HDAC9: variants seen among roughly 807,000 people sequenced by gnomAD.
The protein encoded by HDAC9 is histone deacetylase 9, also known as MEF-2 interacting transcription repressor (MITR) protein.
A neutral mutation model predicts 139.4 loss-of-function variants in HDAC9; 41 were observed. The observed-to-expected ratio is 0.29, with a 90% CI of 0.23 to 0.38. The LOEUF (loss-of-function observed/expected upper bound fraction) is 0.38, where lower values mean the gene tolerates loss of function less well. HDAC9 is among the 10% of genes least tolerant of loss of function. The probability of loss-of-function intolerance (pLI) is 1.00; values close to 1 mark genes in which losing one functional copy is unlikely to be tolerated. For synonymous variants in HDAC9, 517 were observed against 476.2 expected (o/e 1.09, Z -1.12); for missense variants, 1,147 against 1,297.0 (o/e 0.88, Z 1.78).
chr7:18,823,488 G>A (rs1194277935), intron 17 of HDAC9, among the ~76,000 whole-genome samples: 1 of 152,170 alleles, frequency 6.6e-6, no homozygotes, highest in Non-Finnish European at 1.5e-5. Flanking sequence ...TGTTTAATCA[G>A]GATGGCAATT....
At chr7:18,114,031 C>A (rs147300617) in intron 1 of HDAC9, among the ~76,000 whole-genome samples, 119 of 152,298 alleles carry the variant, frequency 7.8e-4, no homozygotes, top group African/African-American at 2.6e-3. Context: ...GCACCTCAGA[C>A]ATCTGGCTGA....
intron 1 of HDAC9, among the ~76,000 whole-genome samples, chr7:18,109,295 A>G (rs926376493): frequency 6.6e-6 from 1 of 152,214 alleles, no homozygotes; most frequent in Non-Finnish European, 1.5e-5. Flanking sequence ...TACCTACACT[A>G]TAAGATTGTT....
chr7:18,482,954 C>T (rs1296071367), intron 1 of HDAC9, among the ~76,000 whole-genome samples: 1 of 152,146 alleles, frequency 6.6e-6, no homozygotes, highest in Non-Finnish European at 1.5e-5. Context: ...AAGTCTAACG[C>T]ATTACTCTAT....
chr7:18,493,998 C>A (rs1796561468), upstream of HDAC9, among the ~76,000 whole-genome samples: 1 of 151,894 alleles, frequency 6.6e-6, no homozygotes, highest in Non-Finnish European at 1.5e-5. Context: ...AGTACATCAT[C>A]CTTAAGGAAA....
rs562596556 is a variant in HDAC9, at chr7:18,197,958, A to T, written c.25+35609A>T. Among the ~76,000 whole-genome samples the T allele has an allele frequency of 1.0e-3, 159 of 152,270 alleles. 3 individuals carry two copies. In the South Asian group the frequency reaches 0.031, roughly 30 times the overall value. On this transcript the variant is annotated intron_variant, in intron 2 of 12. Coordinates refer to the HDAC9 transcript ENST00000417496. Reference sequence around the variant, plus strand: ...ATTTTGACTCCTTTTTCAAAAAATGAGGAGATTGGATTAAGAATTTGTAGG... The same window carrying T: ...ATTTTGACTCCTTTTTCAAAAAATGTGGAGATTGGATTAAGAATTTGTAGG...
intron 14 of HDAC9, among the ~76,000 whole-genome samples, chr7:18,761,675 A>T (rs1789403843): frequency 6.6e-6 from 1 of 152,172 alleles, no homozygotes; most frequent in African/African-American, 2.4e-5. Flanking sequence ...TACTACTGTG[A>T]GGTGCACACA....
At chr7:18,252,651 A>G (rs1334781081) in intron 2 of HDAC9, among the ~76,000 whole-genome samples, 1 of 152,224 alleles carries the variant, frequency 6.6e-6, no homozygotes, top group Non-Finnish European at 1.5e-5. Context: ...AAGCACATTC[A>G]TAAAAGCACT....
intron 1 of HDAC9, among the ~76,000 whole-genome samples, chr7:18,320,807 C>T (rs772505393): frequency 5.9e-5 from 9 of 152,048 alleles, no homozygotes; most frequent in South Asian, 2.1e-4. Context: ...AGCACTGGGC[C>T]GGGGGTAGAC....
chr7:18,972,468 C>A (rs1784305472), intron 24 of HDAC9, among the ~76,000 whole-genome samples: 1 of 146,614 alleles, frequency 6.8e-6, no homozygotes, highest in Non-Finnish European at 1.5e-5. Context: ...GCAAGTTGGG[C>A]CTCCCGGGTT....
intron 3 of HDAC9, among the ~76,000 whole-genome samples, chr7:18,589,401 G>T (rs957315907): frequency 6.6e-6 from 1 of 152,142 alleles, no homozygotes; most frequent in Non-Finnish European, 1.5e-5. Flanking sequence ...AGGAGTGGTT[G>T]TATATGCCTG....
intron 2 of HDAC9, among the ~76,000 whole-genome samples, chr7:18,512,775 C>G (rs184659532): frequency 6.6e-6 from 1 of 152,108 alleles, no homozygotes; most frequent in African/African-American, 2.4e-5. Flanking sequence ...AAAATCCTGA[C>G]AGGATCTATG....
At chr7:18,459,464 C>T (rs1442199603) in intron 1 of HDAC9, among the ~76,000 whole-genome samples, 1 of 151,696 alleles carries the variant, frequency 6.6e-6, no homozygotes, top group Non-Finnish European at 1.5e-5. Flanking sequence ...CTTTATTTTT[C>T]TAGTTTTTTT....
chr7:18,409,177 G>A (rs1788310327), intron 1 of HDAC9, among the ~76,000 whole-genome samples: 1 of 152,176 alleles, frequency 6.6e-6, no homozygotes, highest in African/African-American at 2.4e-5. Context: ...GTACAGGACT[G>A]GAACTTTACC....
At chr7:18,980,749 C>A (rs1405334136) in intron 25 of HDAC9, among the ~76,000 whole-genome samples, 3 of 134,928 alleles carry the variant, frequency 2.2e-5, no homozygotes, top group Admixed American at 2.1e-4. Context: ...CTTCTTCCTT[C>A]TTCTTCTTCC....
chr7:18,890,276 A>T (rs1375381271), intron 22 of HDAC9, among the ~76,000 whole-genome samples: 1 of 152,226 alleles, frequency 6.6e-6, no homozygotes, highest in Non-Finnish European at 1.5e-5. Flanking sequence ...ATGACAGTTG[A>T]ACAGTTCTAG....
chr7:18,856,251 C>A (rs567692457), intron 21 of HDAC9, among the ~76,000 whole-genome samples: 1 of 152,018 alleles, frequency 6.6e-6, no homozygotes, highest in Non-Finnish European at 1.5e-5. Context: ...AGATCAAGTC[C>A]CTAAAATAAG....
chr7:18,349,467 G>C (rs1194365835), intron 1 of HDAC9, among the ~76,000 whole-genome samples: 1 of 151,858 alleles, frequency 6.6e-6, no homozygotes, highest in Non-Finnish European at 1.5e-5. Flanking sequence ...CTTTCTCCCA[G>C]TATAATGTTA....
chr7:18,583,890 A>G (rs933935424), intron 2 of HDAC9, among the ~76,000 whole-genome samples: 3 of 152,202 alleles, frequency 2.0e-5, no homozygotes, highest in Non-Finnish European at 4.4e-5. Context: ...TTGAAAAGCC[A>G]TGCAATCCAG....
chr7:18,621,597 A>T (rs1840222430), intron 6 of HDAC9, among the ~76,000 whole-genome samples: 1 of 152,140 alleles, frequency 6.6e-6, no homozygotes, highest in Non-Finnish European at 1.5e-5. Context: ...GTGCCTAGAA[A>T]TTCCCCCAAA....
Sources: allele counts gnomAD v4.1 joint callset (sites outside exome capture counted in the v4.1 genomes callset), GRCh38; gene constraint gnomAD v4.1.1; transcripts MANE v1.5; gene names NCBI Gene and HGNC (gene_info 2026-07-23, HGNC 2026-07-21).